The following NIBAN3 variants were observed in gnomAD, a reference collection of about 807,000 sequenced individuals.
The protein encoded by NIBAN3 is protein Niban 3.
NIBAN3 carries 66 observed loss-of-function variants against 76.4 expected under a neutral mutation model. The observed-to-expected ratio is 0.86, with a 90% CI of 0.71 to 1.06. The LOEUF (loss-of-function observed/expected upper bound fraction) is 1.06. NIBAN3 is among the 50% of genes least tolerant of loss of function. The pLI is 0.00. For synonymous variants in NIBAN3, 360 were observed against 355.2 expected (o/e 1.01, Z -0.15); for missense variants, 808 against 810.7 (o/e 1.00, Z 0.04).
Position 17,537,457 on chromosome 19 carries a change from G to C in NIBAN3, c.509G>C (p.Arg170Pro), listed in dbSNP as rs763474894. The change falls in exon 5 of 15, where the codon CGG (arginine) becomes CCG (proline). Residue 170 changes from arginine to proline, a missense_variant. Transcript: ENST00000599164. ...CTGTTCCTGCAGCACCCCTTCCGCC[G>C]GCACCTCTGCTTCTCTGCAGCCACC... Reference protein sequence around the residue: ...FPLFLQHPFRRHLCFSAATRE... With the variant: ...FPLFLQHPFRPHLCFSAATRE... 6.2e-7 allele frequency: 1 copy of C among 1,613,588 alleles called. No homozygotes were observed. Among genetic ancestry groups the C allele is most frequent in the Non-Finnish European group, 8.5e-7 (1 of 1,180,012 alleles).
chr19:17,526,001 C>T (rs2075602579), upstream of NIBAN3, among the ~76,000 whole-genome samples: 1 of 151,906 alleles, frequency 6.6e-6, no homozygotes, highest in South Asian at 2.1e-4. Flanking sequence ...TGGCAGTGAG[C>T]CAAGATCATG....
At position 17,543,703 on chromosome 19, in the gene NIBAN3, C is replaced by T. The variant is rs530601520; in HGVS notation, c.1554+72C>T. ...CATCCACTTAAAGTGGGCAAGAATG[C>T]TCTTTGAGGCTGGGCGCAGTGGCTC... On this transcript the variant is annotated intron_variant, in intron 12 of 14. Transcript: ENST00000599164. 4.5e-5 allele frequency: 59 copies of T among 1,322,854 alleles called. 1 individual carries two copies. The East Asian group carries it at 1.4e-3, about 32-fold the overall frequency. 81.9% of individuals were successfully genotyped at this position (1,322,854 alleles called of 1,614,324 possible).
At chr19:17,527,560 A>T (rs752576228) in intron 1 of NIBAN3, among the ~76,000 whole-genome samples, 165 bp downstream of exon 1, 7 of 151,990 alleles carry the variant, frequency 4.6e-5, no homozygotes, top group Non-Finnish European at 8.8e-5. Flanking sequence ...ATCTTTTTTT[A>T]TTGTTGAGAC....
intron 4 of NIBAN3, among the ~76,000 whole-genome samples, chr19:17,536,088 A>C (rs1001336953): frequency 6.6e-6 from 1 of 152,076 alleles, no homozygotes; most frequent in Non-Finnish European, 1.5e-5. Flanking sequence ...AATGTCCCCT[A>C]AACTATTAAC....
intron 2 of NIBAN3, among the ~76,000 whole-genome samples, 160 bp downstream of exon 2, chr19:17,531,045 G>T (rs2075712164): frequency 6.6e-6 from 1 of 152,050 alleles, no homozygotes; most frequent in Non-Finnish European, 1.5e-5. Context: ...CAAGCAAGGT[G>T]GCTCCCGTCT....
At chr19:17,532,147 C>T in intron 2 of NIBAN3, 116 bp from the exon 3 acceptor site, 2 of 1,320,622 alleles carry the variant, frequency 1.5e-6, no homozygotes, top group Non-Finnish European at 2.0e-6. Flanking sequence ...CTCTGTCCAG[C>T]CTGGGGCATC....
In NIBAN3 at chr19:17,539,464, T is replaced by C. The variant is rs2075896720; in HGVS notation, c.816+13T>C. 2 of 1,463,424 alleles carry C rather than the reference T, an allele frequency of 1.4e-6. No homozygotes were observed. The highest frequency in any genetic ancestry group is 2.8e-5 in the South Asian group (2 of 71,698). 90.7% of individuals were successfully genotyped at this position (1,463,424 alleles called of 1,614,324 possible). ...GGCCTGGACCGAGGTATGCACGGCGTCCGGATCCGGGATAGGGGGCGGGAT... is the reference window on the plus strand; with the variant it reads ...GGCCTGGACCGAGGTATGCACGGCGCCCGGATCCGGGATAGGGGGCGGGAT... On this transcript the variant is annotated intron_variant, in intron 7 of 14. Coordinates refer to ENST00000599164, the MANE Select transcript of NIBAN3 (RefSeq NM_001321827.2).
In NIBAN3 at chr19:17,527,362, C is replaced by T. The variant is rs2075623377; in HGVS notation, c.22C>T (p.Pro8Ser). Residue 8 changes from proline (P) to serine (S), a missense_variant, in exon 1 of 15, where the codon CCT becomes TCT. Coordinates refer to ENST00000599164, the MANE Select transcript of NIBAN3 (RefSeq NM_001321827.2). ...CAGCATGGGTGGGCGGCCTTCGAGC[C>T]CTCTGGACAAGCAGCAGCGGCAGCA... is the stretch of plus-strand genomic sequence containing the variant. MGGRPSSPLDKQQRQHLR... is the reference protein window; with the variant it reads MGGRPSSSLDKQQRQHLR... 1 of 1,548,382 alleles carries T rather than the reference C, an allele frequency of 6.5e-7. No individual in the cohort carries two copies. Among genetic ancestry groups the T allele is most frequent in the African/African-American group, 1.4e-5 (1 of 73,036 alleles).
intron 8 of NIBAN3, 159 bp from the exon 9 acceptor site, chr19:17,540,233 T>C (rs1021331670): frequency 8.1e-6 from 4 of 492,764 alleles, no homozygotes; most frequent in African/African-American, 8.0e-5. Flanking sequence ...GAATCCTGAC[T>C]GGGCCCGCCC....
At position 17,540,493 on chromosome 19, in the gene NIBAN3, G is replaced by A. The variant is rs752897006; in HGVS notation, c.1081G>A (p.Glu361Lys). 1.5e-5 allele frequency: 24 copies of A among 1,599,312 alleles called. No homozygotes were observed. In the South Asian group the frequency reaches 2.5e-4, roughly 16 times the overall value. ...GCTGCGCACCGTGGAAGCCTCGCTC[G>A]AGGCGGTGCGGACCCTCCTGGCTCA... Reference protein sequence around the residue: ...TLLRTVEASLEAVRTLLAQGM... With the variant: ...TLLRTVEASLKAVRTLLAQGM... Residue 361 changes from glutamate (E) to lysine (K), a missense_variant, in exon 9 of 15, where the codon GAG becomes AAG. By Grantham distance (56) the Glu-to-Lys change is moderately conservative (BLOSUM62 1). Coordinates refer to ENST00000599164, the MANE Select transcript of NIBAN3 (RefSeq NM_001321827.2).
At chr19:17,533,522 T>C in intron 3 of NIBAN3, 65 bp from the exon 4 acceptor site, 2 of 1,068,942 alleles carry the variant, frequency 1.9e-6, no homozygotes, top group Non-Finnish European at 2.9e-6. Flanking sequence ...CTTGATGGTA[T>C]AGTTGGGACA....
chr19:17,524,446 C>CG (rs111534641), upstream of NIBAN3, among the ~76,000 whole-genome samples: 57,464 of 151,316 alleles, frequency 0.38, 12,161 homozygotes, highest in African/African-American at 0.58. Context: ...CCACAACGCC[C>CG]GCTATTTTTT....
chr19:17,539,314 C>T, intron 6 of NIBAN3, 33 bp from the exon 7 acceptor site: 1 of 1,555,150 alleles, frequency 6.4e-7, no homozygotes, highest in South Asian at 1.2e-5. Flanking sequence ...CCCTCCCGGC[C>T]GACCGCGGCG....
At chr19:17,536,168 T>C (rs1235058379) in intron 4 of NIBAN3, among the ~76,000 whole-genome samples, 3 of 152,144 alleles carry the variant, frequency 2.0e-5, no homozygotes, top group Admixed American at 6.6e-5. Flanking sequence ...TTCTGGACTA[T>C]TGATTTCCTT....
intron 13 of NIBAN3, among the ~76,000 whole-genome samples, chr19:17,547,753 C>T (rs111467083): frequency 2.7e-5 from 4 of 150,910 alleles, no homozygotes; most frequent in Non-Finnish European, 5.9e-5. Context: ...CTGCAACCTC[C>T]GCCTCCTGGG....
In NIBAN3 at chr19:17,542,180, G is replaced by A; in HGVS notation, c.1215G>A (p.Gln405=). The change falls in exon 10 of 15, where the codon CAG becomes CAA. Residue 405 remains glutamine, a synonymous_variant. Coordinates refer to ENST00000599164, the MANE Select transcript of NIBAN3 (RefSeq NM_001321827.2). The surrounding 1 kb of genome is among the most constrained non-coding windows in gnomAD (Gnocchi z 4.8). ...TGCCGTGGGACTTGGCGCTGATGCA[G>A]ACATGCTACCGTGAGGCCGAGCGGA... ...GEMPWDLALM[Q]TCYREAERSR... is the part of the protein sequence containing the mutation. 6.2e-7 allele frequency: 1 copy of A among 1,614,198 alleles called. No individual in the cohort carries two copies. Among genetic ancestry groups the A allele is most frequent in the Non-Finnish European group, 8.5e-7 (1 of 1,180,040 alleles).
chr19:17,532,933 T>C (rs2075756437), intron 3 of NIBAN3, among the ~76,000 whole-genome samples: 1 of 149,436 alleles, frequency 6.7e-6, no homozygotes, highest in Non-Finnish European at 1.5e-5. Flanking sequence ...GGGAGAAAGT[T>C]ATGGGGGCAG....
chr19:17,533,271 G>C (rs1428992519), intron 3 of NIBAN3, among the ~76,000 whole-genome samples: 1 of 152,088 alleles, frequency 6.6e-6, no homozygotes, highest in Non-Finnish European at 1.5e-5. Context: ...TTAGCCTGCT[G>C]TGGTGGCGGG....
chr19:17,554,191 T>G (rs1208916449), downstream of NIBAN3, among the ~76,000 whole-genome samples: 3 of 152,070 alleles, frequency 2.0e-5, no homozygotes, highest in African/African-American at 7.2e-5. Context: ...TTCTTAAAAA[T>G]TAAGTTTTAG....
Sources: allele counts gnomAD v4.1 joint callset (sites outside exome capture counted in the v4.1 genomes callset), GRCh38; gene constraint gnomAD v4.1.1; non-coding constraint Gnocchi (gnomAD v3.1); transcripts MANE v1.5; gene names NCBI Gene and HGNC (gene_info 2026-07-23, HGNC 2026-07-21).